Variants in IRF2BP2 observed in about 807,000 individuals in gnomAD.
IRF2BP2 encodes the protein interferon regulatory factor 2 binding protein 2.
IRF2BP2 carries 13 observed loss-of-function variants against 32.7 expected under a neutral mutation model. That is an observed-to-expected ratio of 0.40 (90% CI 0.26 to 0.63). The LOEUF is 0.63. Among genes scored for constraint, IRF2BP2 ranks in the 30% least tolerant of loss-of-function variants. The pLI, the probability that IRF2BP2 is intolerant of heterozygous loss-of-function variation, is 0.42. For missense variants in IRF2BP2, 980 were observed against 830.6 expected, an observed-to-expected ratio of 1.18 and a Z score of -2.21; for synonymous variants, 555 against 384.6, an observed-to-expected ratio of 1.44 and a Z score of -5.18.
In IRF2BP2 at chr1:234,608,599, A is replaced by G. The variant is rs137922901; in HGVS notation, c.896T>C (p.Val299Ala). Residue 299 changes from valine to alanine, a missense_variant, in exon 1 of 2, where the codon GTC (valine) becomes GCC (alanine). Coordinates refer to ENST00000366609, the MANE Select transcript of IRF2BP2 (RefSeq NM_182972.3). ...KSRGSGEQDW[V>A]NRPKTVRDTL... ...GTCGCGCACGGTCTTGGGCCTGTTG[A>G]CCCAGTCCTGCTCTCCAGACCCGCG... 1.2e-4 allele frequency: 197 copies of G among 1,597,864 alleles called. No homozygotes were observed. In the Middle Eastern group the frequency reaches 1.3e-3, roughly 11 times the overall value.
In IRF2BP2 at chr1:234,610,120, C is replaced by G. The variant is rs1218924696; in HGVS notation, c.-626G>C. Among the ~76,000 whole-genome samples, 2 of 148,198 alleles carry G rather than the reference C, an allele frequency of 1.3e-5. No individual in the cohort carries two copies. Among genetic ancestry groups the G allele is most frequent in the Non-Finnish European group, 3.0e-5 (2 of 66,444 alleles). The stretch of plus-strand genomic sequence containing the variant: ...GCCAGCGTCAGCGGCCAGCCCGCCT[C>G]AGCTCCGCCGCCGCCACCGTCGCTG... On this transcript the variant is annotated 5_prime_UTR_variant, in exon 1 of 2. Transcript: ENST00000366609.
Position 234,610,172 on chromosome 1 carries a change from C to T in IRF2BP2, c.-678G>A, listed in dbSNP as rs1672315217. Among the ~76,000 whole-genome samples the T allele has an allele frequency of 6.7e-6, 1 of 148,678 alleles. No homozygotes were observed. The highest frequency in any genetic ancestry group is 2.4e-5 in the African/African-American group (1 of 41,114). Reference sequence around the variant, plus strand: ...TGCTGCTGCCGCCGCGACCGCTCCACTTCTACAGACTTGATTCTTCGACAG... The same window carrying T: ...TGCTGCTGCCGCCGCGACCGCTCCATTTCTACAGACTTGATTCTTCGACAG... On this transcript the variant is annotated 5_prime_UTR_variant, in exon 1 of 2. It adds an upstream start codon to the 5' untranslated region. Transcript: ENST00000366609.
chr1:234,608,199 C>G (rs929399030), intron 1 of IRF2BP2: 7 of 523,574 alleles, frequency 1.3e-5, no homozygotes, highest in Admixed American at 3.6e-5. Context: ...ATGCTCCCAT[C>G]CAAGAATGTG....
Position 234,608,724 on chromosome 1 carries a change from C to T in IRF2BP2, c.771G>A (p.Lys257=), listed in dbSNP as rs367961636. The T allele has an allele frequency of 3.1e-4, 461 of 1,502,866 alleles. 3 individuals are homozygous for T. The East Asian group carries it at 0.011, about 35-fold the overall frequency. 93.1% of individuals were successfully genotyped at this position (1,502,866 alleles called of 1,614,324 possible). Residue 257 remains lysine, a synonymous_variant, in exon 1 of 2, where the codon AAG becomes AAA. Transcript: ENST00000366609. ...VEHEQREAAA[K]EKQPPPPAHR... is the part of the protein sequence containing the mutation. ...GCGCAGGCGGCGGCGGTTGTTTCTCCTTGGCTGCCGCCTCACGCTGCTCGT... is the reference window on the plus strand; with the variant it reads ...GCGCAGGCGGCGGCGGTTGTTTCTCTTTGGCTGCCGCCTCACGCTGCTCGT...
chr1:234,609,707 G>A lies in IRF2BP2; in HGVS notation c.-213C>T, dbSNP rs1237858732. Among the ~76,000 whole-genome samples, 1 of 144,862 alleles carries A rather than the reference G, an allele frequency of 6.9e-6. No homozygotes were observed. Among genetic ancestry groups the A allele is most frequent in the Non-Finnish European group, 1.5e-5 (1 of 65,214 alleles). ...CGCCCCCGGTGCACGAGGGGCGGCGGGCGCGAGGTGAGGGGCTGCAGCCGC... is the reference window on the plus strand; with the variant it reads ...CGCCCCCGGTGCACGAGGGGCGGCGAGCGCGAGGTGAGGGGCTGCAGCCGC... On this transcript the variant is annotated 5_prime_UTR_variant, in exon 1 of 2. Transcript: ENST00000366609.
Position 234,607,595 on chromosome 1 carries a change from C to T in IRF2BP2, c.1306G>A (p.Gly436Arg). The change falls in exon 2 of 2, where the codon GGG becomes AGG. Residue 436 changes from glycine to arginine, a missense_variant. By Grantham distance (125) the Gly-to-Arg change is moderately radical. Transcript: ENST00000366609. Reference protein sequence around the residue: ...AALILVADNAGGSHASKDANQ... With the variant: ...AALILVADNARGSHASKDANQ... ...GCATCTTTTGAGGCATGACTGCCCC[C>T]TGCATTGTCTGCTACTAAGATCAGG... 6.2e-7 allele frequency: 1 copy of T among 1,614,250 alleles called. No individual in the cohort carries two copies. Among genetic ancestry groups the T allele is most frequent in the Non-Finnish European group, 8.5e-7 (1 of 1,180,034 alleles).
rs1469997593 is a variant in IRF2BP2 at position 234,609,043 on chromosome 1, G to A, written c.452C>T (p.Pro151Leu). Residue 151 changes from proline to leucine, a missense_variant, in exon 1 of 2, where the codon CCG (proline) becomes CTG (leucine). Physicochemically the swap from Pro to Leu is moderately conservative, Grantham distance 98 (BLOSUM62 -3). Coordinates refer to ENST00000366609, the MANE Select transcript of IRF2BP2 (RefSeq NM_182972.3). The part of the protein sequence containing the change: ...SLAQPPTPQP[P>L]PVNGILVPNG... Reference sequence around the variant, plus strand: ...GGGCACCAGGATGCCGTTCACGGGCGGCGGCTGCGGCGTCGGCGGCTGGGC... The same window carrying A: ...GGGCACCAGGATGCCGTTCACGGGCAGCGGCTGCGGCGTCGGCGGCTGGGC... 3.1e-6 allele frequency: 4 copies of A among 1,296,694 alleles called. No individual in the cohort carries two copies. Among genetic ancestry groups the A allele is most frequent in the African/African-American group, 3.1e-5 (2 of 65,442 alleles). 80.3% of individuals were successfully genotyped at this position (1,296,694 alleles called of 1,614,324 possible).
chr1:234,607,887 CAT>C, intron 1 of IRF2BP2, 35 bp from the exon 2 acceptor site: 1 of 1,476,738 alleles, frequency 6.8e-7, no homozygotes, highest in South Asian at 1.3e-5. Flanking sequence ...AAAAAGGTAA[CAT>C]AAGTGGCGGT....
In IRF2BP2 at chr1:234,605,816, A is replaced by G. The variant is rs535728005; in HGVS notation, c.*1321T>C. ...AAAAAAATCATTTTACTGATGCAAA[A>G]TAGTGATCAAAAGAAATTAGTTTAC... On this transcript the variant is annotated 3_prime_UTR_variant, in exon 2 of 2. Transcript: ENST00000366609. The G allele has an allele frequency of 1.6e-4, 24 of 152,388 alleles. No homozygotes were observed. Among genetic ancestry groups the G allele is most frequent in the African/African-American group, 5.5e-4 (23 of 41,596 alleles). 9.4% of individuals were successfully genotyped at this position (152,388 alleles called of 1,614,324 possible). A position where few individuals can be genotyped will look rare whatever the true frequency, so the allele number is the denominator to read the frequency against.
rs1177342073 is a variant in IRF2BP2, at chr1:234,606,309, C to T, written c.*828G>A. On this transcript the variant is annotated 3_prime_UTR_variant, in exon 2 of 2. Transcript: ENST00000366609. ...AGTGGCGCTGCAGAGCTGGGCTCTG[C>T]TCAAAGATGGCAGTGCCATCTTGTA... 1 of 152,176 alleles carries T rather than the reference C, an allele frequency of 6.6e-6. No individual in the cohort carries two copies. Among genetic ancestry groups the T allele is most frequent in the African/African-American group, 2.4e-5 (1 of 41,450 alleles). 9.4% of individuals were successfully genotyped at this position (152,176 alleles called of 1,614,324 possible). A position where few individuals can be genotyped will look rare whatever the true frequency, so the allele number is the denominator to read the frequency against.
Position 234,609,033 on chromosome 1 carries a change from G to T in IRF2BP2, c.462C>A (p.Asn154Lys). The T allele has an allele frequency of 7.6e-7, 1 of 1,311,910 alleles. No individual in the cohort carries two copies. Among genetic ancestry groups the T allele is most frequent in the Non-Finnish European group, 9.7e-7 (1 of 1,032,718 alleles). 81.3% of individuals were successfully genotyped at this position (1,311,910 alleles called of 1,614,324 possible). ...AGAAGCCGTTGGGCACCAGGATGCC[G>T]TTCACGGGCGGCGGCTGCGGCGTCG... is the stretch of plus-strand genomic sequence containing the variant. ...QPPTPQPPPV[N>K]GILVPNGFSK... The change falls in exon 1 of 2, where the codon AAC becomes AAA. Residue 154 changes from asparagine to lysine, a missense_variant. Physicochemically the swap from Asn to Lys is moderately conservative, Grantham distance 94 (BLOSUM62 0). Transcript: ENST00000366609.
Sources: gnomAD v4.1 joint callset for allele counts (sites outside exome capture counted in the v4.1 genomes callset) on GRCh38, gnomAD v4.1.1 for gene constraint, MANE v1.5 for transcripts, NCBI Gene and HGNC (gene_info 2026-07-23, HGNC 2026-07-21) for gene names.